Variants in LPL observed in about 807,000 individuals in gnomAD.
LPL encodes lipoprotein lipase.
LPL carries 43 observed loss-of-function variants against 52.2 expected under a neutral mutation model. The ratio of observed to expected loss-of-function variants is 0.82; its 90% CI spans 0.64 to 1.06. The LOEUF (loss-of-function observed/expected upper bound fraction) is 1.06. Among genes scored for constraint, LPL ranks in the 50% least tolerant of loss-of-function variants. The pLI is 0.00. For synonymous variants in LPL, 244 were observed against 215.6 expected (o/e 1.13, Z -1.15); for missense variants, 639 against 585.3 (o/e 1.09, Z -0.95).
chr8:19,955,132 C>T (rs1311850092), intron 5 of LPL, among the ~76,000 whole-genome samples: 1 of 152,184 alleles, frequency 6.6e-6, no homozygotes, highest in East Asian at 1.9e-4. Context: ...GTCCTAAAAA[C>T]TTACAAGGAA....
At chr8:19,962,457 G>T (rs1040931906) in intron 9 of LPL, among the ~76,000 whole-genome samples, 1 of 152,026 alleles carries the variant, frequency 6.6e-6, no homozygotes, top group Non-Finnish European at 1.5e-5. Context: ...CTTCAACCCA[G>T]GCACACATTT....
intron 1 of LPL, chr8:19,946,824 T>G (rs963377549): frequency 2.0e-5 from 3 of 153,832 alleles, no homozygotes; most frequent in African/African-American, 7.2e-5. Flanking sequence ...GCAATATAAT[T>G]TACTTCAACT....
chr8:19,956,156 T>A (rs269), intron 6 of LPL, 73 bp downstream of exon 6: 4 of 1,593,794 alleles, frequency 2.5e-6, no homozygotes, highest in South Asian at 2.2e-5. Flanking sequence ...TCACATGTAC[T>A]GATTCTGTCC....
Position 19,961,209 on chromosome 8 carries a change from G to A in LPL, c.1322+126G>A. 4 of 464,770 alleles carry A rather than the reference G, an allele frequency of 8.6e-6. No individual in the cohort carries two copies. In the South Asian group the frequency reaches 1.1e-4, roughly 13 times the overall value. The allele number at this position is 464,770 out of a possible 1,614,324, so 28.8% of individuals were successfully genotyped here. A position where few individuals can be genotyped will look rare whatever the true frequency, so the allele number is the denominator to read the frequency against. On this transcript the variant is annotated intron_variant, in intron 8 of 9. Transcript: ENST00000650287. ...GGAAACCTTGTATTTATTACTGTAT[G>A]ATGTAGATTTTCTTTAGGAGTCTTC...
At chr8:19,957,607 C>T (rs893355108) in intron 6 of LPL, among the ~76,000 whole-genome samples, 1 of 152,208 alleles carries the variant, frequency 6.6e-6, no homozygotes, top group African/African-American at 2.4e-5. Flanking sequence ...CCAGCTTCTT[C>T]AGCTCTGGCC....
Position 19,954,337 on chromosome 8 carries a change from A to G in LPL, c.759A>G (p.Ala253=). 1 of 1,613,994 alleles carries G rather than the reference A, an allele frequency of 6.2e-7. No individual in the cohort carries two copies. Among genetic ancestry groups the G allele is most frequent in the East Asian group, 2.2e-5 (1 of 44,884 alleles). Residue 253 remains alanine, a synonymous_variant, in exon 5 of 10, where the codon GCA becomes GCG. Coordinates refer to ENST00000650287, the MANE Select transcript of LPL (RefSeq NM_000237.3). ...TTGGAGAAGCTATCCGCGTGATTGC[A>G]GAGAGAGGACTTGGAGGTAAATATT... ...CNIGEAIRVI[A]ERGLGDVDQL...
chr8:19,946,198 C>T (rs1227674169), intron 1 of LPL, among the ~76,000 whole-genome samples: 4 of 151,960 alleles, frequency 2.6e-5, no homozygotes, highest in Admixed American at 1.3e-4. Flanking sequence ...ATGAAAAGAG[C>T]TTTAAAGATC....
chr8:19,962,256 A>C, intron 9 of LPL, 37 bp downstream of exon 9: 2 of 1,530,256 alleles, frequency 1.3e-6, no homozygotes, highest in South Asian at 2.2e-5. Context: ...GGGCATCCTG[A>C]GCTTGCACCC....
chr8:19,955,731 T>G, intron 5 of LPL, 110 bp from the exon 6 acceptor site: 2 of 1,386,162 alleles, frequency 1.4e-6, no homozygotes, highest in Non-Finnish European at 2.0e-6. Context: ...GACTATATCC[T>G]TGGGTGATTC....
rs544134518 is a variant in LPL at position 19,966,642 on chromosome 8, T to C, written c.*1332T>C. Reference sequence around the variant, plus strand: ...TGAACACATACTAGAAAGCTCTGCATGTGTGTTGTCCTTCAGCATAATTCG... The same window carrying C: ...TGAACACATACTAGAAAGCTCTGCACGTGTGTTGTCCTTCAGCATAATTCG... On this transcript the variant is annotated 3_prime_UTR_variant, in exon 10 of 10. Transcript: ENST00000650287. The C allele has an allele frequency of 6.6e-6, 1 of 152,212 alleles. No homozygotes were observed. The highest frequency in any genetic ancestry group is 2.4e-5 in the African/African-American group (1 of 41,468). The allele number at this position is 152,212 out of a possible 1,614,324, so 9.4% of individuals were successfully genotyped here.
rs1200261559 is a variant in LPL, at chr8:19,962,164, G to A, written c.1372G>A (p.Ala458Thr). ...AGTGTCTCATTTGCAGAAAGGAAAG[G>A]CACCTGCGGTATTTGTGAAATGCCA... ...EKVSHLQKGK[A>T]PAVFVKCHDK... The change falls in exon 9 of 10, where the codon GCA (alanine) becomes ACA (threonine). Residue 458 changes from alanine (A) to threonine (T), a missense_variant. By Grantham distance (58) the Ala-to-Thr change is moderately conservative. Coordinates refer to ENST00000650287, the MANE Select transcript of LPL (RefSeq NM_000237.3). 2 of 1,613,884 alleles carry A rather than the reference G, an allele frequency of 1.2e-6. No homozygotes were observed. The highest frequency in any genetic ancestry group is 2.2e-5 in the South Asian group (2 of 91,074).
intron 7 of LPL, among the ~76,000 whole-genome samples, chr8:19,960,236 C>T (rs1288525698): frequency 2.0e-5 from 3 of 152,188 alleles, no homozygotes; most frequent in Non-Finnish European, 4.4e-5. Context: ...ACGGCTAGAA[C>T]CCTCCAGGTG....
In LPL at chr8:19,954,361, T is replaced by C. The variant is rs371007817; in HGVS notation, c.775+8T>C. On this transcript the variant is annotated splice_region_variant and intron_variant, in intron 5 of 9. Coordinates refer to ENST00000650287, the MANE Select transcript of LPL (RefSeq NM_000237.3). ...CAGAGAGAGGACTTGGAGGTAAATATTATTTAGAAGCGAATTAAATGTGAC... is the reference window on the plus strand; with the variant it reads ...CAGAGAGAGGACTTGGAGGTAAATACTATTTAGAAGCGAATTAAATGTGAC... 4.3e-6 allele frequency: 7 copies of C among 1,610,440 alleles called. No homozygotes were observed. Among genetic ancestry groups the C allele is most frequent in the Non-Finnish European group, 5.9e-6 (7 of 1,176,612 alleles).
chr8:19,951,556 C>G, intron 2 of LPL: 1 of 639,248 alleles, frequency 1.6e-6, no homozygotes, highest in Non-Finnish European at 2.8e-6. Flanking sequence ...TGCCGTTCCT[C>G]AACTCAACTC....
chr8:19,951,773 C>T lies in LPL; in HGVS notation c.254C>T (p.Thr85Ile), dbSNP rs182593459. ...TFMVIHGWTV[T>I]GMYESWVPKL... ...AGCTTGTGTCATCATCTTCAGGTAACAGGAATGTATGAGAGTTGGGTGCCA... is the reference window on the plus strand; with the variant it reads ...AGCTTGTGTCATCATCTTCAGGTAATAGGAATGTATGAGAGTTGGGTGCCA... Residue 85 changes from threonine (T) to isoleucine (I), a missense_variant, in exon 3 of 10, where the codon ACA becomes ATA. Thr to Ile is a moderately conservative substitution (Grantham distance 89, BLOSUM62 -1). Coordinates refer to ENST00000650287, the MANE Select transcript of LPL (RefSeq NM_000237.3). 7 of 1,614,104 alleles carry T rather than the reference C, an allele frequency of 4.3e-6. No homozygotes were observed. Among genetic ancestry groups the T allele is most frequent in the African/African-American group, 1.3e-5 (1 of 75,032 alleles).
At chr8:19,948,153 A>G (rs2069899601) in intron 1 of LPL, 27 bp from the exon 2 acceptor site, 1 of 1,611,580 alleles carries the variant, frequency 6.2e-7, no homozygotes, top group South Asian at 1.1e-5. Flanking sequence ...CCTCCAGTTA[A>G]CCTCATATCC....
rs1475104127 is a variant in LPL at position 19,939,785 on chromosome 8, A to T, written c.88+257A>T. ...GCCGGGTTCCCGCGCTATCCCTTCC[A>T]CTCTGGCTGGGACCGCGTTCCCGGG... On this transcript the variant is annotated intron_variant, in intron 1 of 9. Transcript: ENST00000650287. The surrounding 1 kb of genome is among the most constrained non-coding windows in gnomAD (Gnocchi z 4.0). Among the ~76,000 whole-genome samples, 3 of 150,852 alleles carry T rather than the reference A, an allele frequency of 2.0e-5. No individual in the cohort carries two copies. Among genetic ancestry groups the T allele is most frequent in the Admixed American group, 2.0e-4 (3 of 15,186 alleles).
At chr8:19,940,366 A>G (rs1339852187) in intron 1 of LPL, among the ~76,000 whole-genome samples, 2 of 152,154 alleles carry the variant, frequency 1.3e-5, no homozygotes, top group Non-Finnish European at 2.9e-5. Context: ...GGCTGAGGTC[A>G]GCTCCGGGCG....
chr8:19,955,209 G>A (rs1480472249), intron 5 of LPL, among the ~76,000 whole-genome samples: 1 of 152,154 alleles, frequency 6.6e-6, no homozygotes. Context: ...AGTAGGGGCA[G>A]AACCCTCAAT....
Sources: allele counts gnomAD v4.1 joint callset (sites outside exome capture counted in the v4.1 genomes callset), GRCh38; gene constraint gnomAD v4.1.1; non-coding constraint Gnocchi (gnomAD v3.1); transcripts MANE v1.5; gene names NCBI Gene and HGNC (gene_info 2026-07-23, HGNC 2026-07-21).